Variants in TRIM9 observed in about 807,000 individuals in gnomAD.
TRIM9 encodes the protein tripartite motif containing 9.
Under a neutral mutation model 78.3 loss-of-function variants are expected in TRIM9, and 26 were observed. The ratio of observed to expected loss-of-function variants is 0.33; its 90% CI spans 0.24 to 0.46. TRIM9 has a LOEUF of 0.46. Ranked by LOEUF, TRIM9 falls within the 20% of genes least tolerant of loss-of-function variation. TRIM9 has a pLI of 1.00. For missense variants in TRIM9, 787 were observed against 1,036.4 expected (o/e 0.76, Z 3.30); for synonymous variants, 398 against 416.5 (o/e 0.96, Z 0.54).
At chr14:51,089,883 TG>T (rs1425220791) in intron 1 of TRIM9, 11 of 152,212 alleles carry the variant, frequency 7.2e-5, no homozygotes, top group African/African-American at 2.7e-4. Flanking sequence ...TTGACATGAA[TG>T]TTTATGGTTG....
chr14:51,094,606 G>A lies in TRIM9; in HGVS notation c.334C>T (p.His112Tyr). ...FPPAMPPPAT[H>Y]LSPALAPVPR... ...ACCGGGGCCAGGGCCGGTGACAAGT[G>A]GGTGGCCGGTGGCGGCATAGCCGGG... Residue 112 changes from histidine to tyrosine, a missense_variant, in exon 1 of 13, where the codon CAC becomes TAC. By Grantham distance (83) the His-to-Tyr change is moderately conservative. Around this residue, in one of 3 missense-constraint regions of TRIM9, gnomAD observed 352 missense variants for 472.3 expected, o/e 0.75. Coordinates refer to ENST00000684578, the MANE Select transcript of TRIM9 (RefSeq NM_001387360.1). The A allele has an allele frequency of 6.2e-7, 1 of 1,609,570 alleles. No individual in the cohort carries two copies. The highest frequency in any genetic ancestry group is 8.5e-7 in the Non-Finnish European group (1 of 1,177,434).
chr14:51,067,485 A>G (rs546535224), intron 1 of TRIM9, among the ~76,000 whole-genome samples: 17 of 152,238 alleles, frequency 1.1e-4, no homozygotes, highest in African/African-American at 4.1e-4. Context: ...TACTACAACT[A>G]AAATAACATT....
chr14:51,034,787 T>TTC (rs1231545323), intron 1 of TRIM9, among the ~76,000 whole-genome samples: 2 of 152,204 alleles, frequency 1.3e-5, no homozygotes, highest in Non-Finnish European at 1.5e-5. Flanking sequence ...CCAAACTACC[T>TTC]AGTTCTGAAT....
At chr14:51,004,422 C>A (rs145462594) in intron 5 of TRIM9, among the ~76,000 whole-genome samples, 1 of 152,106 alleles carries the variant, frequency 6.6e-6, no homozygotes, top group Non-Finnish European at 1.5e-5. Context: ...TTCTATCTCA[C>A]ATTTTATTTG....
intron 3 of TRIM9, among the ~76,000 whole-genome samples, chr14:51,020,446 C>T (rs1471635911): frequency 1.3e-5 from 2 of 152,150 alleles, no homozygotes; most frequent in Non-Finnish European, 2.9e-5. Context: ...AGCCACCTGT[C>T]TCTGGTTTCT....
intron 1 of TRIM9, among the ~76,000 whole-genome samples, chr14:51,075,680 AGGCCTTG>A (rs1473481102): frequency 6.6e-6 from 1 of 152,200 alleles, no homozygotes; most frequent in Non-Finnish European, 1.5e-5. Flanking sequence ...GAGAGTCCGA[AGGCCTTG>A]AAATAAAATG....
chr14:51,021,062 T>C (rs370875557), intron 3 of TRIM9, among the ~76,000 whole-genome samples: 1 of 152,208 alleles, frequency 6.6e-6, no homozygotes, highest in East Asian at 1.9e-4. Context: ...ACATTTGTGG[T>C]TTTATTTTAT....
At chr14:50,990,512 C>T (rs888368838) in intron 7 of TRIM9, among the ~76,000 whole-genome samples, 1 of 152,146 alleles carries the variant, frequency 6.6e-6, no homozygotes, top group African/African-American at 2.4e-5. Flanking sequence ...AATTTCTTGA[C>T]TGACTCCAAG....
At chr14:50,991,245 G>A (rs2053472715) in intron 7 of TRIM9, among the ~76,000 whole-genome samples, 1 of 152,174 alleles carries the variant, frequency 6.6e-6, no homozygotes, top group Non-Finnish European at 1.5e-5. Flanking sequence ...GGTATCAGTT[G>A]CAAAGCACAC....
chr14:51,046,768 T>C (rs893928308), intron 1 of TRIM9, among the ~76,000 whole-genome samples: 4 of 152,232 alleles, frequency 2.6e-5, no homozygotes, highest in African/African-American at 9.6e-5. Flanking sequence ...AAAAACTCTA[T>C]ACCTTCGTTT....
intron 8 of TRIM9, 68 bp from the exon 9 acceptor site, chr14:50,983,489 G>A (rs1173584626): frequency 1.7e-5 from 21 of 1,230,936 alleles, no homozygotes; most frequent in Non-Finnish European, 1.2e-5. Context: ...ACTTGTATAC[G>A]CTTAAAAAGC....
At chr14:51,000,228 G>A (rs2054784975) in intron 6 of TRIM9, among the ~76,000 whole-genome samples, 1 of 152,164 alleles carries the variant, frequency 6.6e-6, no homozygotes, top group South Asian at 2.1e-4. Flanking sequence ...AGCAATGATG[G>A]TAATAATAAT....
intron 7 of TRIM9, among the ~76,000 whole-genome samples, chr14:50,992,875 A>G (rs1347105437): frequency 1.3e-5 from 2 of 152,174 alleles, no homozygotes; most frequent in Non-Finnish European, 2.9e-5. Context: ...AGTTTCAAGA[A>G]TCCCAACCTA....
In TRIM9 at chr14:51,037,921, T is replaced by C. The variant is rs146236683; in HGVS notation, c.823-12561A>G. Among the ~76,000 whole-genome samples the C allele has an allele frequency of 7.9e-5, 12 of 152,280 alleles. No individual in the cohort carries two copies. The East Asian group carries it at 2.1e-3, about 27-fold the overall frequency. On this transcript the variant is annotated intron_variant, in intron 1 of 12. Transcript: ENST00000684578. ...TACATGTTCACTTCAAGGGAGCACC[T>C]GTGGCTCAGCAGCAGCAACACTGAG...
intron 5 of TRIM9, among the ~76,000 whole-genome samples, chr14:51,001,870 G>T (rs2055095192): frequency 6.6e-6 from 1 of 152,152 alleles, no homozygotes; most frequent in Non-Finnish European, 1.5e-5. Context: ...AGCCTGGTGC[G>T]TGGACTAGGG....
intron 3 of TRIM9, among the ~76,000 whole-genome samples, chr14:51,021,121 A>C (rs1426309053): frequency 2.0e-5 from 3 of 152,222 alleles, no homozygotes; most frequent in African/African-American, 7.2e-5. Flanking sequence ...TATAACAATA[A>C]AAGTTTTGGG....
In TRIM9 at chr14:51,015,023, G is replaced by T. The variant is rs8018255; in HGVS notation, c.1042-4529C>A. On this transcript the variant is annotated intron_variant, in intron 3 of 12. Transcript: ENST00000684578. ...TCTGCAGTCCACAGTTTCAGAGAAG[G>T]CTTTTAAAATTTTATCAGCGGAGCC... Among the ~76,000 whole-genome samples, 1,214 of 152,308 alleles carry T rather than the reference G, an allele frequency of 8.0e-3. 23 individuals carry two copies. Among genetic ancestry groups the T allele is most frequent in the African/African-American group, 0.028 (1,153 of 41,576 alleles).
chr14:51,005,062 G>A (rs1766810349), intron 5 of TRIM9, among the ~76,000 whole-genome samples: 1 of 152,166 alleles, frequency 6.6e-6, no homozygotes, highest in African/African-American at 2.4e-5. Context: ...TTAGACTTTA[G>A]CAGAACTACA....
chr14:51,085,385 T>C (rs2063656571), intron 1 of TRIM9, among the ~76,000 whole-genome samples: 1 of 152,170 alleles, frequency 6.6e-6, no homozygotes, highest in East Asian at 1.9e-4. Context: ...TCTTCTTTGA[T>C]CAGAACTGTT....
Sources: allele counts gnomAD v4.1 joint callset (sites outside exome capture counted in the v4.1 genomes callset), GRCh38; gene constraint gnomAD v4.1.1; regional missense constraint gnomAD v4.1.1; transcripts MANE v1.5; gene names NCBI Gene and HGNC (gene_info 2026-07-23, HGNC 2026-07-21).